ADAM7: variants seen among roughly 807,000 people sequenced by gnomAD.
ADAM7 encodes the protein disintegrin and metalloproteinase domain-containing protein 7.
A neutral mutation model predicts 102.9 loss-of-function variants in ADAM7; 97 were observed. The observed-to-expected ratio is 0.94, with a 90% confidence interval of 0.80 to 1.12. The LOEUF (loss-of-function observed/expected upper bound fraction) is 1.12. ADAM7 is among the 50% of genes most tolerant of loss of function. The pLI is 0.00. For synonymous variants in ADAM7, 334 were observed against 304.4 expected (o/e 1.10, Z -1.01); for missense variants, 991 against 908.7 (o/e 1.09, Z -1.16).
At chr8:24,461,606 C>A (rs1819245005) in intron 3 of ADAM7, among the ~76,000 whole-genome samples, 1 of 151,792 alleles carries the variant, frequency 6.6e-6, no homozygotes, top group South Asian at 2.1e-4. Flanking sequence ...TTTTCTGATA[C>A]CCTTTCTCCA....
At chr8:24,507,440 C>T (rs879073075) in intron 20 of ADAM7, 40 bp from the exon 21 acceptor site, 5 of 1,535,380 alleles carry the variant, frequency 3.3e-6, no homozygotes, top group South Asian at 2.2e-5. Context: ...CGTGTAACAT[C>T]TGATGTGGCA....
At chr8:24,462,553 C>A (rs930557022) in intron 3 of ADAM7, among the ~76,000 whole-genome samples, 1 of 152,192 alleles carries the variant, frequency 6.6e-6, no homozygotes, top group African/African-American at 2.4e-5. Context: ...CCTTCCCTTT[C>A]CCAAAGGATG....
chr8:24,467,277 A>G (rs1327544961), intron 6 of ADAM7: 5 of 457,968 alleles, frequency 1.1e-5, no homozygotes, highest in Non-Finnish European at 1.5e-5. Context: ...AATGTCCTAA[A>G]ACCTAATCTA....
chr8:24,505,925 T>C (rs1298858509), intron 20 of ADAM7, among the ~76,000 whole-genome samples: 4 of 152,146 alleles, frequency 2.6e-5, no homozygotes, highest in Admixed American at 2.6e-4. Flanking sequence ...CATATCACAA[T>C]GTATAAATTC....
intron 3 of ADAM7, among the ~76,000 whole-genome samples, chr8:24,449,706 A>C (rs937087513): frequency 1.5e-4 from 23 of 152,218 alleles, no homozygotes; most frequent in African/African-American, 5.5e-4. Context: ...TTGGTGTTTT[A>C]GACATGAAGT....
chr8:24,482,909 T>C (rs1021974340), intron 9 of ADAM7, among the ~76,000 whole-genome samples: 5 of 152,196 alleles, frequency 3.3e-5, no homozygotes, highest in African/African-American at 1.2e-4. Flanking sequence ...GTTACATTTT[T>C]TATCAGCATC....
intron 16 of ADAM7, among the ~76,000 whole-genome samples, chr8:24,497,648 G>T (rs1292663072): frequency 6.6e-6 from 1 of 152,014 alleles, no homozygotes; most frequent in African/African-American, 2.4e-5. Flanking sequence ...GAAGAGAGGT[G>T]AAAATATAGT....
Position 24,490,863 on chromosome 8 carries a change from A to G in ADAM7, c.1331A>G (p.Glu444Gly), listed in dbSNP as rs1474013320. Reference sequence around the variant, plus strand: ...CTGAAGCCAGGATTTACTTGTGCAGAAGGAGAATGCTGTGAATCTTGTCAG... The same window carrying G: ...CTGAAGCCAGGATTTACTTGTGCAGGAGGAGAATGCTGTGAATCTTGTCAG... Reference protein sequence around the residue: ...CVLKPGFTCAEGECCESCQIK... With the variant: ...CVLKPGFTCAGGECCESCQIK... The change falls in exon 13 of 22, where the codon GAA becomes GGA. Residue 444 changes from glutamate to glycine, a missense_variant. Transcript: ENST00000175238. 3.1e-6 allele frequency: 5 copies of G among 1,613,820 alleles called. No individual in the cohort carries two copies. Among genetic ancestry groups the G allele is most frequent in the Non-Finnish European group, 4.2e-6 (5 of 1,179,770 alleles).
At chr8:24,489,379 G>T in intron 12 of ADAM7, 46 bp downstream of exon 12, 1 of 1,546,308 alleles carries the variant, frequency 6.5e-7, no homozygotes, top group East Asian at 2.3e-5. Context: ...TTTATGATCA[G>T]GTAGAACCTA....
intron 7 of ADAM7, 98 bp downstream of exon 7, chr8:24,468,918 AT>A: frequency 2.6e-6 from 3 of 1,159,846 alleles, no homozygotes; most frequent in African/African-American, 1.5e-5. Context: ...TCAGAGTTCT[AT>A]TCTAGGCTCA....
At chr8:24,455,654 C>T (rs750837468) in intron 3 of ADAM7, among the ~76,000 whole-genome samples, 5 of 152,220 alleles carry the variant, frequency 3.3e-5, no homozygotes, top group East Asian at 1.9e-4. Context: ...AGTCCTCCTG[C>T]CTTGGCCTCC....
chr8:24,472,807 T>A (rs1023128300), intron 7 of ADAM7, among the ~76,000 whole-genome samples: 1 of 152,022 alleles, frequency 6.6e-6, no homozygotes, highest in African/African-American at 2.4e-5. Context: ...ATGGAGTAGT[T>A]CAACAGAGCC....
chr8:24,488,678 A>G (rs1646480462), intron 11 of ADAM7, among the ~76,000 whole-genome samples: 1 of 152,156 alleles, frequency 6.6e-6, no homozygotes, highest in Non-Finnish European at 1.5e-5. Flanking sequence ...TAAGAAGTAT[A>G]TTACATTCCT....
At chr8:24,505,203 G>T (rs1469109270) in intron 20 of ADAM7, among the ~76,000 whole-genome samples, 1 of 152,090 alleles carries the variant, frequency 6.6e-6, no homozygotes, top group Non-Finnish European at 1.5e-5. Context: ...AAAATAGGTG[G>T]ACTTCCAGAG....
At position 24,487,264 on chromosome 8, in the gene ADAM7, C is replaced by T. The variant is rs745392106; in HGVS notation, c.1038C>T (p.Asp346=). ...GGCATAACCTTGGGATGCAGCATGACGAGTTCCCATGCACCTGTCCTTCAG... is the reference window on the plus strand; with the variant it reads ...GGCATAACCTTGGGATGCAGCATGATGAGTTCCCATGCACCTGTCCTTCAG... ...QLGHNLGMQH[D]EFPCTCPSGK... is the part of the protein sequence containing the mutation. The change falls in exon 11 of 22, where the codon GAC becomes GAT. Residue 346 remains aspartate (D), a synonymous_variant. Coordinates refer to ENST00000175238, the MANE Select transcript of ADAM7 (RefSeq NM_003817.4). 17 of 1,613,736 alleles carry T rather than the reference C, an allele frequency of 1.1e-5. No individual in the cohort carries two copies. Among genetic ancestry groups the T allele is most frequent in the African/African-American group, 5.3e-5 (4 of 74,886 alleles).
intron 7 of ADAM7, among the ~76,000 whole-genome samples, chr8:24,473,612 G>A (rs1268946953): frequency 6.6e-6 from 1 of 152,164 alleles, no homozygotes; most frequent in African/African-American, 2.4e-5. Flanking sequence ...ACCTGTAAGA[G>A]TGATTCCTTG....
rs765423414 is a variant in ADAM7 at position 24,492,612 on chromosome 8, GA to G, written c.1655+22del. ...TGTGAGGAGAAGTAAGTGCCCTGTG[GA>G]AAAAAAGTAATTTGCCTTCTTACAG... is the stretch of plus-strand genomic sequence containing the variant. On this transcript the variant is annotated intron_variant, in intron 15 of 21. Coordinates refer to ENST00000175238, the MANE Select transcript of ADAM7 (RefSeq NM_003817.4). The G allele has an allele frequency of 3.1e-6, 5 of 1,591,904 alleles. No homozygotes were observed. Among genetic ancestry groups the G allele is most frequent in the East Asian group, 4.5e-5 (2 of 44,662 alleles).
At chr8:24,457,390 C>T (rs911731332) in intron 3 of ADAM7, among the ~76,000 whole-genome samples, 1 of 152,082 alleles carries the variant, frequency 6.6e-6, no homozygotes, top group Non-Finnish European at 1.5e-5. Flanking sequence ...ATTCTTGTGC[C>T]TCAGCCTCCC....
chr8:24,500,391 G>C (rs1240095637), intron 18 of ADAM7, 135 bp downstream of exon 18: 1 of 732,892 alleles, frequency 1.4e-6, no homozygotes, highest in Non-Finnish European at 2.2e-6. Flanking sequence ...TATTGTGCAT[G>C]AATACCCAAA....
Sources: gnomAD v4.1 joint callset for allele counts (sites outside exome capture counted in the v4.1 genomes callset) on GRCh38, gnomAD v4.1.1 for gene constraint, MANE v1.5 for transcripts, NCBI Gene and HGNC (gene_info 2026-07-23, HGNC 2026-07-21) for gene names.